FHAD1: variants seen among roughly 807,000 people sequenced by gnomAD.
FHAD1 encodes the protein forkhead-associated domain-containing protein 1.
FHAD1 carries 146 observed loss-of-function variants against 191.3 expected under a neutral mutation model. The ratio of observed to expected loss-of-function variants is 0.76; its 90% CI spans 0.67 to 0.88. The LOEUF (loss-of-function observed/expected upper bound fraction) is 0.88, where lower values mean the gene tolerates loss of function less well. Among genes scored for constraint, FHAD1 ranks in the 40% least tolerant of loss-of-function variants. The pLI, the probability that FHAD1 is intolerant of heterozygous loss-of-function variation, is 0.00. For synonymous variants in FHAD1, 616 were observed against 672.3 expected, an observed-to-expected ratio of 0.92 and a Z score of 1.29; for missense variants, 1,635 against 1,785.8, an observed-to-expected ratio of 0.92 and a Z score of 1.52.
At chr1:15,338,108 A>C (rs1001354282) in intron 14 of FHAD1, among the ~76,000 whole-genome samples, 1 of 151,942 alleles carries the variant, frequency 6.6e-6, no homozygotes, top group Non-Finnish European at 1.5e-5. Context: ...TCCCGGGAGG[A>C]GCACTGCCTT....
rs181737013 is a variant in FHAD1 at position 15,396,077 on chromosome 1, A to C, written c.4324-1220A>C. 1.1e-3 allele frequency among the ~76,000 whole-genome samples: 160 copies of C among 152,332 alleles called. 2 individuals are homozygous for C. The Middle Eastern group carries it at 0.014, about 13-fold the overall frequency. On this transcript the variant is annotated intron_variant, in intron 33 of 33. Transcript: ENST00000688493. ...GTAATCCCAGCACTTTGGGAGGCCAAGGAGAGCAGATCACTTGAGCCCAGG... is the reference window on the plus strand; with the variant it reads ...GTAATCCCAGCACTTTGGGAGGCCACGGAGAGCAGATCACTTGAGCCCAGG...
chr1:15,397,658 C>A lies in FHAD1; in HGVS notation c.*245C>A, dbSNP rs1706426694. The A allele has an allele frequency of 3.5e-6, 1 of 286,152 alleles. No homozygotes were observed. Among genetic ancestry groups the A allele is most frequent in the South Asian group, 1.4e-4 (1 of 7,074 alleles). The allele number at this position is 286,152 out of a possible 1,614,324, so 17.7% of individuals were successfully genotyped here. On this transcript the variant is annotated 3_prime_UTR_variant, in exon 34 of 34. Coordinates refer to ENST00000688493, the MANE Select transcript of FHAD1 (RefSeq NM_001391957.1). ...GTATATGAAGAATAGAAGTGTGTAA[C>A]CCAGATGTCCAGGCCTGGTAGATAT...
intron 1 of FHAD1, among the ~76,000 whole-genome samples, chr1:15,238,949 C>T (rs1645069263): frequency 6.6e-6 from 1 of 152,174 alleles, no homozygotes; most frequent in Admixed American, 6.5e-5. Flanking sequence ...ACTAAGTCAC[C>T]CAGGCAGGAG....
chr1:15,333,983 C>T (rs1682883591), intron 14 of FHAD1, among the ~76,000 whole-genome samples: 1 of 151,850 alleles, frequency 6.6e-6, no homozygotes, highest in Admixed American at 6.6e-5. Flanking sequence ...CAGGCGTGTG[C>T]CACCACGCCA....
chr1:15,345,632 G>A (rs549865195), intron 18 of FHAD1, 109 bp downstream of exon 18: 12 of 904,124 alleles, frequency 1.3e-5, no homozygotes, highest in African/African-American at 8.3e-5. Flanking sequence ...AGCCTTCCTC[G>A]TGGAGTTTGC....
intron 3 of FHAD1, among the ~76,000 whole-genome samples, chr1:15,273,980 C>T (rs530329119): frequency 4.6e-5 from 7 of 152,290 alleles, no homozygotes; most frequent in South Asian, 4.1e-4. Flanking sequence ...CTTGTATAAG[C>T]GAAATCATAC....
At chr1:15,372,864 AT>A (rs1227488506) in intron 26 of FHAD1, among the ~76,000 whole-genome samples, 2 of 152,016 alleles carry the variant, frequency 1.3e-5, no homozygotes, top group Non-Finnish European at 2.9e-5. Flanking sequence ...TCCCCACTTA[AT>A]TTTCTCTTTA....
chr1:15,299,160 A>G (rs1242348555), intron 5 of FHAD1, among the ~76,000 whole-genome samples: 1 of 141,312 alleles, frequency 7.1e-6, no homozygotes, highest in African/African-American at 2.8e-5. Context: ...TGATTGCACC[A>G]CTGTGCTCCA....
upstream of FHAD1, among the ~76,000 whole-genome samples, chr1:15,244,010 T>C (rs1645703882): frequency 6.6e-6 from 1 of 152,130 alleles, no homozygotes; most frequent in Non-Finnish European, 1.5e-5. The surrounding 1 kb of genome is among the most constrained non-coding windows in gnomAD (Gnocchi z 5.1). Flanking sequence ...AAAGGTTAAC[T>C]GTAGGCACTG....
chr1:15,389,230 C>T (rs998113860), intron 32 of FHAD1, among the ~76,000 whole-genome samples: 3 of 151,986 alleles, frequency 2.0e-5, no homozygotes, highest in Non-Finnish European at 2.9e-5. Flanking sequence ...CGGATGGCTT[C>T]AACCCAGGAG....
chr1:15,285,506 C>G (rs1662124614), intron 3 of FHAD1, among the ~76,000 whole-genome samples: 1 of 152,174 alleles, frequency 6.6e-6, no homozygotes, highest in South Asian at 2.1e-4. Flanking sequence ...GCACTCCAGC[C>G]TGGGTGACAA....
At chr1:15,371,254 C>A (rs890927667) in intron 26 of FHAD1, among the ~76,000 whole-genome samples, 3 of 152,210 alleles carry the variant, frequency 2.0e-5, no homozygotes, top group Non-Finnish European at 2.9e-5. Flanking sequence ...GGGTCCCGCC[C>A]ACACCAAACG....
chr1:15,331,697 G>A (rs28430513), intron 14 of FHAD1, among the ~76,000 whole-genome samples: 2 of 146,288 alleles, frequency 1.4e-5, no homozygotes, highest in South Asian at 2.2e-4. Context: ...GAAGGCAGGA[G>A]GGAAGGCAGG....
At chr1:15,343,327 G>A (rs574271820) in intron 16 of FHAD1, among the ~76,000 whole-genome samples, 3 of 152,208 alleles carry the variant, frequency 2.0e-5, no homozygotes, top group South Asian at 2.1e-4. Context: ...GGTGGGTGTG[G>A]AGCAGCGTGT....
intron 11 of FHAD1, chr1:15,326,272 G>T (rs542768290): frequency 1.3e-5 from 2 of 152,190 alleles, no homozygotes; most frequent in Non-Finnish European, 2.9e-5. Flanking sequence ...CTCACGCCAG[G>T]GGCTGCCATG....
intron 2 of FHAD1, among the ~76,000 whole-genome samples, chr1:15,267,816 T>C (rs1654176554): frequency 6.8e-6 from 1 of 147,156 alleles, no homozygotes; most frequent in Non-Finnish European, 1.5e-5. Context: ...AAATTATAAA[T>C]ATAAATTTTA....
chr1:15,363,601 A>T, intron 23 of FHAD1: 1 of 353,106 alleles, frequency 2.8e-6, no homozygotes, highest in Non-Finnish European at 5.6e-6. Flanking sequence ...AAGCCCACTC[A>T]CAGGTGTTAT....
rs1696282368 is a variant in FHAD1, at chr1:15,365,942, A to G, written c.3154+9A>G. ...AATGTCGGATTTGAGAGGTTTGAAC[A>G]ATTTCTGGTGTCTCTTGACCTCCTG... On this transcript the variant is annotated intron_variant, in intron 24 of 33. Transcript: ENST00000688493. 6.5e-7 allele frequency: 1 copy of G among 1,534,140 alleles called. No homozygotes were observed. Among genetic ancestry groups the G allele is most frequent in the Admixed American group, 2.0e-5 (1 of 50,944 alleles).
intron 31 of FHAD1, among the ~76,000 whole-genome samples, chr1:15,386,518 G>C (rs970744675): frequency 2.0e-5 from 3 of 152,230 alleles, no homozygotes; most frequent in Admixed American, 1.3e-4. Flanking sequence ...ATGCAAGCCC[G>C]TTCTTCGGCC....
Sources: allele counts gnomAD v4.1 joint callset (sites outside exome capture counted in the v4.1 genomes callset), GRCh38; gene constraint gnomAD v4.1.1; non-coding constraint Gnocchi (gnomAD v3.1); transcripts MANE v1.5; gene names NCBI Gene and HGNC (gene_info 2026-07-23, HGNC 2026-07-21).